The following AATK variants were observed in gnomAD, a reference collection of about 807,000 sequenced individuals.
AATK encodes serine/threonine-protein kinase LMTK1.
Under a neutral mutation model 114.3 loss-of-function variants are expected in AATK, and 91 were observed. The ratio of observed to expected loss-of-function variants is 0.80; its 90% CI spans 0.67 to 0.95. AATK has a LOEUF of 0.95. Ranked by LOEUF, AATK falls within the 40% of genes least tolerant of loss-of-function variation. AATK has a pLI of 0.00. For missense variants in AATK, 2,176 were observed against 1,965.2 expected, an observed-to-expected ratio of 1.11 and a Z score of -2.03; for synonymous variants, 1,075 against 916.5, an observed-to-expected ratio of 1.17 and a Z score of -3.12.
intron 3 of AATK, among the ~76,000 whole-genome samples, chr17:81,130,623 A>AG (rs2060915276): frequency 6.6e-6 from 1 of 152,108 alleles, no homozygotes; most frequent in Non-Finnish European, 1.5e-5. Context: ...CTGGCGCTCA[A>AG]GGGGGCAGGA....
intron 1 of AATK, among the ~76,000 whole-genome samples, chr17:81,141,405 T>G (rs896143300): frequency 1.3e-5 from 2 of 152,180 alleles, no homozygotes; most frequent in Non-Finnish European, 2.9e-5. Context: ...GAGCTGAGAT[T>G]GAGCCACTGC....
intron 1 of AATK, among the ~76,000 whole-genome samples, chr17:81,144,524 G>A (rs184573689): frequency 2.5e-3 from 380 of 152,370 alleles, no homozygotes; most frequent in Non-Finnish European, 4.5e-3. Flanking sequence ...GAGGGGCAAG[G>A]GGGCCGGGCA....
rs1317572988 is a variant in AATK, at chr17:81,120,724, G to A, written c.3212C>T (p.Thr1071Ile). ...CTCTGGGACCAGGCCCGAGGGGCAG[G>A]TGCTGGGCTCTGGGGAGGACCCTTC... ...QLEGSSPEPSTCPSGLVPEPP... is the reference protein window; with the variant it reads ...QLEGSSPEPSICPSGLVPEPP... The change falls in exon 11 of 14, where the codon ACC (threonine) becomes ATC (isoleucine). Residue 1071 changes from threonine to isoleucine, a missense_variant. Transcript: ENST00000326724. 2 of 1,563,178 alleles carry A rather than the reference G, an allele frequency of 1.3e-6. No homozygotes were observed.
At chr17:81,123,876 C>T (rs1452884805) in intron 9 of AATK, among the ~76,000 whole-genome samples, 1 of 152,166 alleles carries the variant, frequency 6.6e-6, no homozygotes, top group Non-Finnish European at 1.5e-5. Context: ...CTTCACCCAG[C>T]CACTTTGGTC....
chr17:81,157,069 G>A (rs1314323343), intron 1 of AATK, among the ~76,000 whole-genome samples: 1 of 152,192 alleles, frequency 6.6e-6, no homozygotes, highest in Non-Finnish European at 1.5e-5. Flanking sequence ...TCACTCCCGA[G>A]ACCAGACAGA....
chr17:81,121,762 C>T lies in AATK; in HGVS notation c.2174G>A (p.Gly725Glu), dbSNP rs751726040. The change falls in exon 11 of 14, where the codon GGA (glycine) becomes GAA (glutamate). Residue 725 changes from glycine (G) to glutamate (E), a missense_variant. Gly to Glu is a moderately conservative substitution (Grantham distance 98). Coordinates refer to ENST00000326724, the MANE Select transcript of AATK (RefSeq NM_001080395.3). The stretch of plus-strand genomic sequence containing the variant: ...TGCCTGGAGCCCAAGCAGAGGCTCT[C>T]CAGGGTACCCCGGCTCGGGGGAGGC... ...PRASPEPGYP[G>E]EPLLGLQAAS... is the part of the protein sequence containing the mutation. 1.3e-5 allele frequency: 20 copies of T among 1,525,966 alleles called. No individual in the cohort carries two copies. The highest frequency in any genetic ancestry group is 2.4e-5 in the East Asian group (1 of 42,216). The allele number at this position is 1,525,966 out of a possible 1,614,324, so 94.5% of individuals were successfully genotyped here. A position where few individuals can be genotyped will look rare whatever the true frequency, so the allele number is the denominator to read the frequency against.
chr17:81,125,847 G>A, intron 7 of AATK: 1 of 463,238 alleles, frequency 2.2e-6, no homozygotes, highest in Non-Finnish European at 4.5e-6. Context: ...GGGCAGCTGG[G>A]GCCCGGCAGG....
intron 1 of AATK, among the ~76,000 whole-genome samples, chr17:81,157,670 C>A (rs2061383190): frequency 6.6e-6 from 1 of 152,230 alleles, no homozygotes; most frequent in South Asian, 2.1e-4. Flanking sequence ...CAGCCCAGGC[C>A]CAGCCTGCAT....
At chr17:81,149,826 T>C (rs2061272367) in intron 1 of AATK, among the ~76,000 whole-genome samples, 1 of 152,108 alleles carries the variant, frequency 6.6e-6, no homozygotes, top group Non-Finnish European at 1.5e-5. Context: ...TCAGCCCCCA[T>C]CAGCCCAGCC....
At position 81,118,375 on chromosome 17, in the gene AATK, C is replaced by T; in HGVS notation, c.*27G>A. On this transcript the variant is annotated 3_prime_UTR_variant, in exon 14 of 14. Transcript: ENST00000326724. Reference sequence around the variant, plus strand: ...CTGGCAGGGGCTCCGGTGACGCCAGCCTTGAGGGGCAGGAGCTGCCCAGGT... The same window carrying T: ...CTGGCAGGGGCTCCGGTGACGCCAGTCTTGAGGGGCAGGAGCTGCCCAGGT... 6.3e-6 allele frequency: 10 copies of T among 1,597,364 alleles called. No homozygotes were observed. Among genetic ancestry groups the T allele is most frequent in the Non-Finnish European group, 8.5e-6 (10 of 1,173,094 alleles).
rs781273650 is a variant in AATK, at chr17:81,122,064, C to T, written c.1872G>A (p.Ala624=). 9.4e-6 allele frequency: 15 copies of T among 1,592,168 alleles called. No individual in the cohort carries two copies. The East Asian group carries it at 2.3e-4, about 24-fold the overall frequency. The part of the protein sequence containing the change: ...AGPLSLAEGG[A]EDADWGVAAF... ...CGGCCACGCCCCAGTCTGCATCCTCCGCTCCTCCCTCCGCCAGACTCAGGG... is the reference window on the plus strand; with the variant it reads ...CGGCCACGCCCCAGTCTGCATCCTCTGCTCCTCCCTCCGCCAGACTCAGGG... The change falls in exon 11 of 14, where the codon GCG becomes GCA. Residue 624 remains alanine, a synonymous_variant. Coordinates refer to ENST00000326724, the MANE Select transcript of AATK (RefSeq NM_001080395.3).
At position 81,126,668 on chromosome 17, in the gene AATK, CAGCAGCTGCCCAG is replaced by C; in HGVS notation, c.622-121_622-109del. ...TCCACCCCTACCCACAGCTGAGGGA[CAGCAGCTGCCCAG>C]AGCAGCCTCGTGCCCTGCACAGTGG... On this transcript the variant is annotated intron_variant, in intron 6 of 13. Coordinates refer to ENST00000326724, the MANE Select transcript of AATK (RefSeq NM_001080395.3). The surrounding 1 kb of genome is among the most constrained non-coding windows in gnomAD (Gnocchi z 5.1). 6.9e-7 allele frequency: 1 copy of C among 1,459,656 alleles called. No individual in the cohort carries two copies. The allele number at this position is 1,459,656 out of a possible 1,614,324, so 90.4% of individuals were successfully genotyped here.
At position 81,137,734 on chromosome 17, in the gene AATK, CAT is replaced by C. The variant is rs536173348; in HGVS notation, c.56-3235_56-3234del. Among the ~76,000 whole-genome samples the C allele has an allele frequency of 1.2e-3, 182 of 152,104 alleles. 2 individuals carry two copies. The highest frequency in any genetic ancestry group is 4.1e-3 in the African/African-American group (171 of 41,454). ...ACACACACCTCATGACAACGCGAAACATACATGCACACGTAGCATGCATACAA... is the reference window on the plus strand; with the variant it reads ...ACACACACCTCATGACAACGCGAAACACATGCACACGTAGCATGCATACAA... On this transcript the variant is annotated intron_variant, in intron 1 of 13. Coordinates refer to ENST00000326724, the MANE Select transcript of AATK (RefSeq NM_001080395.3).
chr17:81,126,013 TC>T lies in AATK; in HGVS notation c.755+413del. 2 of 476,520 alleles carry T rather than the reference TC, an allele frequency of 4.2e-6. No homozygotes were observed. Among genetic ancestry groups the T allele is most frequent in the Admixed American group, 2.3e-5 (1 of 42,676 alleles). 29.5% of individuals were successfully genotyped at this position (476,520 alleles called of 1,614,324 possible). On this transcript the variant is annotated intron_variant, in intron 7 of 13. Transcript: ENST00000326724. This position sits in a 1 kb window ranked among gnomAD's most constrained non-coding sequence, Gnocchi z 5.1. ...GTCCTTCGCCACTTCTTCCAGCATG[TC>T]CCCCCGGGGTCCCCAGGGGCTGGGC...
At chr17:81,132,011 G>A in intron 2 of AATK, 3 of 1,306,280 alleles carry the variant, frequency 2.3e-6, no homozygotes, top group South Asian at 1.2e-5. Flanking sequence ...CTAGGGCTGG[G>A]CCACTCCCTG....
chr17:81,131,150 G>A lies in AATK; in HGVS notation c.245C>T (p.Pro82Leu), dbSNP rs570740163. 100 of 1,576,268 alleles carry A rather than the reference G, an allele frequency of 6.3e-5. 1 individual carries two copies. The highest frequency in any genetic ancestry group is 4.5e-4 in the South Asian group (39 of 86,186). Residue 82 changes from proline (P) to leucine (L), a missense_variant, in exon 3 of 14, where the codon CCG (proline) becomes CTG (leucine). This residue lies in a region of AATK where 178 missense variants were observed against 175.4 expected (regional missense o/e 1.01). Transcript: ENST00000326724. ...GGGCCCGTTCTGTGCTGCCGTGGCC[G>A]GGGAGCCCTGCGCCAGGTCGGCTGC... Reference protein sequence around the residue: ...EYAADLAQGSPATAAQNGPDV... With the variant: ...EYAADLAQGSLATAAQNGPDV...
Position 81,126,405 on chromosome 17 carries a change from G to T in AATK, c.755+22C>A. On this transcript the variant is annotated intron_variant, in intron 7 of 13. Transcript: ENST00000326724. This position sits in a 1 kb window ranked among gnomAD's most constrained non-coding sequence, Gnocchi z 5.1. Reference sequence around the variant, plus strand: ...GGGCCTGGCCTAGGGCTTCCCGGCCGCTGGCCCGCGCCCGCCCTCACCTGT... The same window carrying T: ...GGGCCTGGCCTAGGGCTTCCCGGCCTCTGGCCCGCGCCCGCCCTCACCTGT... 2 of 1,547,474 alleles carry T rather than the reference G, an allele frequency of 1.3e-6. No individual in the cohort carries two copies. The highest frequency in any genetic ancestry group is 1.7e-6 in the Non-Finnish European group (2 of 1,144,362).
chr17:81,122,501 A>G lies in AATK; in HGVS notation c.1435T>C (p.Tyr479His). ...TETSRGLNFE[Y>H]KWEAGRGAEA... The stretch of plus-strand genomic sequence containing the variant: ...GCGCCGCGGCCCGCCTCCCACTTGT[A>G]CTCAAAATTGAGGCCTCGGCTGGTC... The change falls in exon 11 of 14, where the codon TAC becomes CAC. Residue 479 changes from tyrosine (Y) to histidine (H), a missense_variant. Tyr to His is a moderately conservative substitution (Grantham distance 83). This residue lies in a region of AATK where 1,701 missense variants were observed against 1,394.7 expected (regional missense o/e 1.22). Transcript: ENST00000326724. The G allele has an allele frequency of 2.0e-6, 3 of 1,471,298 alleles. No homozygotes were observed. Among genetic ancestry groups the G allele is most frequent in the Admixed American group, 2.2e-5 (1 of 45,730 alleles). The allele number at this position is 1,471,298 out of a possible 1,614,324, so 91.1% of individuals were successfully genotyped here.
At position 81,131,097 on chromosome 17, in the gene AATK, C is replaced by A; in HGVS notation, c.298G>T (p.Val100Phe). ...GGCTGCTTGGCCATGGGCAAGGAGA[C>A]CTCCGTGAGTGGCAGGACGTACACG... ...PDVYVLPLTE[V>F]SLPMAKQPGR... Residue 100 changes from valine (V) to phenylalanine (F), a missense_variant, in exon 3 of 14, where the codon GTC becomes TTC. By Grantham distance (50) the Val-to-Phe change is conservative (BLOSUM62 -1). This residue lies in a region of AATK where 178 missense variants were observed against 175.4 expected (regional missense o/e 1.01). Transcript: ENST00000326724. 1 of 1,557,782 alleles carries A rather than the reference C, an allele frequency of 6.4e-7. No individual in the cohort carries two copies. The highest frequency in any genetic ancestry group is 8.7e-7 in the Non-Finnish European group (1 of 1,151,142).
Sources: allele counts gnomAD v4.1 joint callset (sites outside exome capture counted in the v4.1 genomes callset), GRCh38; gene constraint gnomAD v4.1.1; regional missense constraint gnomAD v4.1.1; non-coding constraint Gnocchi (gnomAD v3.1); transcripts MANE v1.5; gene names NCBI Gene and HGNC (gene_info 2026-07-23, HGNC 2026-07-21).